The following PAQR5 variants were observed in gnomAD, a reference collection of about 807,000 sequenced individuals.
PAQR5 encodes membrane progestin receptor gamma.
In PAQR5, 20 loss-of-function variants were observed where a neutral mutation model predicts 34.5. The observed-to-expected ratio is 0.58, with a 90% CI of 0.41 to 0.84. PAQR5 has a LOEUF of 0.84. PAQR5 is among the 40% of genes least tolerant of loss of function. PAQR5 has a pLI of 0.00. For synonymous variants in PAQR5, 131 were observed against 155.6 expected, an observed-to-expected ratio of 0.84 and a Z score of 1.18; for missense variants, 378 against 412.7, an observed-to-expected ratio of 0.92 and a Z score of 0.73.
intron 6 of PAQR5, among the ~76,000 whole-genome samples, chr15:69,395,142 G>T (rs1054485073): frequency 9.9e-5 from 15 of 152,184 alleles, no homozygotes; most frequent in African/African-American, 3.6e-4. Flanking sequence ...GGCAGGAGGG[G>T]GCGGCCTGCC....
At position 69,400,035 on chromosome 15, in the gene PAQR5, T is replaced by C; in HGVS notation, c.671T>C (p.Met224Thr). ...NEATSYHQKH[M>T]IMTLLASFLY... ...GCCACCTCGTACCACCAGAAGCACA[T>C]GATCATGACCCTCCTGGCCTCTTTC... Residue 224 changes from methionine to threonine, a missense_variant, in exon 8 of 9, where the codon ATG becomes ACG. Coordinates refer to ENST00000395407, the MANE Select transcript of PAQR5 (RefSeq NM_017705.4). 5 of 1,614,172 alleles carry C rather than the reference T, an allele frequency of 3.1e-6. No homozygotes were observed. In the South Asian group the frequency reaches 5.5e-5, roughly 18 times the overall value.
intron 2 of PAQR5, among the ~76,000 whole-genome samples, chr15:69,356,038 T>A (rs1260289292): frequency 6.6e-6 from 1 of 152,240 alleles, no homozygotes; most frequent in Non-Finnish European, 1.5e-5. Context: ...CACTACTTTG[T>A]ATTACCCCTT....
chr15:69,371,781 C>G (rs928188539), intron 3 of PAQR5, among the ~76,000 whole-genome samples: 1 of 151,940 alleles, frequency 6.6e-6, no homozygotes, highest in Non-Finnish European at 1.5e-5. Context: ...ATTTTTAATC[C>G]CTTTAAAAAT....
intron 1 of PAQR5, among the ~76,000 whole-genome samples, chr15:69,316,765 C>T (rs1461157359): frequency 6.6e-6 from 1 of 152,264 alleles, no homozygotes; most frequent in East Asian, 1.9e-4. Flanking sequence ...ATAAAAGTGT[C>T]CACCTGAAGA....
At chr15:69,380,613 G>A (rs1308532082) in intron 4 of PAQR5, among the ~76,000 whole-genome samples, 3 of 152,228 alleles carry the variant, frequency 2.0e-5, no homozygotes, top group African/African-American at 7.2e-5. Flanking sequence ...GAAGTGGCCA[G>A]GGAAGCGAAG....
At chr15:69,317,317 G>A (rs1403041252) in intron 1 of PAQR5, among the ~76,000 whole-genome samples, 10 of 152,256 alleles carry the variant, frequency 6.6e-5, no homozygotes, top group South Asian at 2.1e-4. Context: ...ATCCACCCAG[G>A]CTCCCTCACC....
intron 7 of PAQR5, 26 bp downstream of exon 7, chr15:69,397,590 T>G: frequency 7.0e-7 from 1 of 1,433,834 alleles, no homozygotes; most frequent in South Asian, 1.1e-5. Context: ...ATCTCCTCTC[T>G]GCCTGTTGGC....
intron 2 of PAQR5, among the ~76,000 whole-genome samples, chr15:69,340,162 G>A (rs972555756): frequency 5.9e-5 from 9 of 152,026 alleles, no homozygotes; most frequent in African/African-American, 1.7e-4. Context: ...CACCGTGCCC[G>A]GCCTCACATT....
chr15:69,347,698 C>A (rs1225874483), intron 2 of PAQR5, among the ~76,000 whole-genome samples: 2 of 152,108 alleles, frequency 1.3e-5, no homozygotes, highest in Non-Finnish European at 2.9e-5. Flanking sequence ...TCTCACAGTT[C>A]AGGAGGCTGG....
Position 69,406,660 on chromosome 15 carries a change from A to G in PAQR5, c.*2838A>G, listed in dbSNP as rs2056753512. On this transcript the variant is annotated 3_prime_UTR_variant, in exon 9 of 9. Coordinates refer to ENST00000395407, the MANE Select transcript of PAQR5 (RefSeq NM_017705.4). ...GAAGTGGGAGGACTGCTTGGGCCCA[A>G]GAATTCAGGACCAGTCTGGGCAACA... 1 of 152,258 alleles carries G rather than the reference A, an allele frequency of 6.6e-6. No individual in the cohort carries two copies. Among genetic ancestry groups the G allele is most frequent in the Non-Finnish European group, 1.5e-5 (1 of 68,100 alleles). The allele number at this position is 152,258 out of a possible 1,614,324, so 9.4% of individuals were successfully genotyped here.
At chr15:69,305,535 G>A (rs955938573) in intron 1 of PAQR5, among the ~76,000 whole-genome samples, 2 of 152,092 alleles carry the variant, frequency 1.3e-5, no homozygotes, top group African/African-American at 2.4e-5. Flanking sequence ...CGGAGTGAGG[G>A]GGAGAGAGGC....
At chr15:69,365,685 G>A (rs1404792264) in intron 3 of PAQR5, among the ~76,000 whole-genome samples, 1 of 152,140 alleles carries the variant, frequency 6.6e-6, no homozygotes, top group Non-Finnish European at 1.5e-5. Context: ...TGGGATTCAG[G>A]TTACGCCAAC....
At chr15:69,390,823 C>T (rs546300910) in intron 6 of PAQR5, among the ~76,000 whole-genome samples, 76 of 149,964 alleles carry the variant, frequency 5.1e-4, no homozygotes, top group African/African-American at 1.8e-3. Flanking sequence ...CGCTCTAATT[C>T]CCACTGTTTT....
chr15:69,325,610 T>C (rs1217586132), intron 1 of PAQR5, among the ~76,000 whole-genome samples: 2 of 152,048 alleles, frequency 1.3e-5, no homozygotes, highest in Non-Finnish European at 2.9e-5. Flanking sequence ...AATGAATGAA[T>C]GAATGAATGA....
intron 6 of PAQR5, among the ~76,000 whole-genome samples, chr15:69,390,693 C>T (rs183231037): frequency 7.9e-5 from 12 of 152,228 alleles, no homozygotes; most frequent in African/African-American, 2.4e-4. Flanking sequence ...AGGAGATGTC[C>T]CATAAATGTG....
chr15:69,341,279 C>G (rs2054634900), intron 2 of PAQR5, among the ~76,000 whole-genome samples: 1 of 148,318 alleles, frequency 6.7e-6, no homozygotes, highest in Non-Finnish European at 1.5e-5. Flanking sequence ...AATATTTGTC[C>G]CTTTGTGTCT....
At chr15:69,307,526 G>A (rs773797377) in intron 1 of PAQR5, among the ~76,000 whole-genome samples, 24 of 152,280 alleles carry the variant, frequency 1.6e-4, no homozygotes, top group South Asian at 8.3e-4. Context: ...TGAGGTGTTC[G>A]TGCCTGGGGC....
rs894489336 is a variant in PAQR5, at chr15:69,360,267, C to G, written c.51+136C>G. The stretch of plus-strand genomic sequence containing the variant: ...CTTCAAGGACCCCTTCCCACACTTC[C>G]TTGGGGGATATTACAGCCTCCTACT... On this transcript the variant is annotated intron_variant, in intron 3 of 8. Transcript: ENST00000395407. The G allele has an allele frequency of 2.2e-5, 13 of 587,402 alleles. No individual in the cohort carries two copies. The Admixed American group carries it at 2.9e-4, about 13-fold the overall frequency. 36.4% of individuals were successfully genotyped at this position (587,402 alleles called of 1,614,324 possible).
intron 8 of PAQR5, chr15:69,400,877 C>G (rs2056606230): frequency 6.6e-6 from 1 of 152,498 alleles, no homozygotes; most frequent in Non-Finnish European, 1.5e-5. Flanking sequence ...TGGTCATCAG[C>G]CAGCAGCATC....
Sources: allele counts gnomAD v4.1 joint callset (sites outside exome capture counted in the v4.1 genomes callset), GRCh38; gene constraint gnomAD v4.1.1; transcripts MANE v1.5; gene names NCBI Gene and HGNC (gene_info 2026-07-23, HGNC 2026-07-21).